MAP3K4: variants seen among roughly 807,000 people sequenced by gnomAD.
The protein encoded by MAP3K4 is mitogen-activated protein kinase kinase kinase 4.
In MAP3K4, 67 loss-of-function variants were observed where a neutral mutation model predicts 185.6. That is an observed-to-expected ratio of 0.36 (90% CI 0.30 to 0.44). The LOEUF (loss-of-function observed/expected upper bound fraction) is 0.44. MAP3K4 is among the 20% of genes least tolerant of loss of function. The pLI, the probability that MAP3K4 is intolerant of heterozygous loss-of-function variation, is 1.00. For missense variants in MAP3K4, 1,551 were observed against 1,995.1 expected (o/e 0.78, Z 4.24); for synonymous variants, 702 against 710.4 (o/e 0.99, Z 0.19).
At chr6:161,099,820 G>A (rs142380955) in intron 17 of MAP3K4, among the ~76,000 whole-genome samples, 169 of 152,328 alleles carry the variant, frequency 1.1e-3, no homozygotes, top group African/African-American at 3.9e-3. Flanking sequence ...GGTACATTAT[G>A]TGTATTTTAG....
Position 161,075,914 on chromosome 6 carries a change from G to A in MAP3K4, c.2097+2302G>A, listed in dbSNP as rs1158647883. On this transcript the variant is annotated intron_variant, in intron 5 of 26. Transcript: ENST00000392142. This position sits in a 1 kb window ranked among gnomAD's most constrained non-coding sequence, Gnocchi z 4.3. Reference sequence around the variant, plus strand: ...CAAAGGTGTGTTCTGAGGACTAGGGGAGCCCAAACAAAATCAGTGTTTCTA... The same window carrying A: ...CAAAGGTGTGTTCTGAGGACTAGGGAAGCCCAAACAAAATCAGTGTTTCTA... Among the ~76,000 whole-genome samples the A allele has an allele frequency of 6.6e-6, 1 of 152,138 alleles. No homozygotes were observed. Among genetic ancestry groups the A allele is most frequent in the African/African-American group, 2.4e-5 (1 of 41,424 alleles).
rs368587250 is a variant in MAP3K4 at position 161,029,251 on chromosome 6, G to A, written c.153-5008G>A. Among the ~76,000 whole-genome samples the A allele has an allele frequency of 7.2e-5, 11 of 151,892 alleles. No individual in the cohort carries two copies. The East Asian group carries it at 1.4e-3, about 19-fold the overall frequency. On this transcript the variant is annotated intron_variant, in intron 1 of 26. Transcript: ENST00000392142. ...TGTTTTGGGTTTTTTTGGCGGGGGTGGTGTTGGGGGGCAGGGGTGGCTTTT... is the reference window on the plus strand; with the variant it reads ...TGTTTTGGGTTTTTTTGGCGGGGGTAGTGTTGGGGGGCAGGGGTGGCTTTT...
At chr6:161,092,186 T>C (rs1292484925) in intron 13 of MAP3K4, 43 bp downstream of exon 13, 30 of 1,609,286 alleles carry the variant, frequency 1.9e-5, no homozygotes, top group Non-Finnish European at 2.5e-5. Flanking sequence ...TCATGTGGGC[T>C]TGGTGGTATT....
Position 161,091,620 on chromosome 6 carries a change from A to AGTT in MAP3K4, c.3135+82_3135+83insTGT. ...ACAGAAAGTTTTTGGAACCTTTTAC[A>AGTT]GTAAATCTGATATTGTAATCATAGC... On this transcript the variant is annotated intron_variant, in intron 12 of 26. Transcript: ENST00000392142. The surrounding 1 kb of genome is among the most constrained non-coding windows in gnomAD (Gnocchi z 5.5). The AGTT allele has an allele frequency of 8.3e-7, 1 of 1,208,104 alleles. No homozygotes were observed. Among genetic ancestry groups the AGTT allele is most frequent in the Non-Finnish European group, 1.2e-6 (1 of 843,140 alleles). 74.8% of individuals were successfully genotyped at this position (1,208,104 alleles called of 1,614,324 possible).
At chr6:161,015,217 C>G (rs994515356) in intron 1 of MAP3K4, among the ~76,000 whole-genome samples, 3 of 151,354 alleles carry the variant, frequency 2.0e-5, no homozygotes, top group Admixed American at 1.3e-4. Context: ...AACACAGGAA[C>G]GGAAAACCAA....
rs747018394 is a variant in MAP3K4, at chr6:161,087,850, G to T, written c.2719G>T (p.Gly907Cys). The change falls in exon 10 of 27, where the codon GGT becomes TGT. Residue 907 changes from glycine to cysteine, a missense_variant. Gly to Cys is a radical substitution (Grantham distance 159, BLOSUM62 -3). Around this residue, in one of 16 missense-constraint regions of MAP3K4, gnomAD observed 261 missense variants for 306.5 expected, o/e 0.85. Coordinates refer to ENST00000392142, the MANE Select transcript of MAP3K4 (RefSeq NM_005922.4). This position sits in a 1 kb window ranked among gnomAD's most constrained non-coding sequence, Gnocchi z 4.9. ...IDAYLLLTKH[G>C]DRARDSEDSW... ...TGCCTATCTGCTTCTGACCAAGCACGGTGATCGAGCCCGTGATTCAGAGGA... is the reference window on the plus strand; with the variant it reads ...TGCCTATCTGCTTCTGACCAAGCACTGTGATCGAGCCCGTGATTCAGAGGA... 6.2e-7 allele frequency: 1 copy of T among 1,614,148 alleles called. No individual in the cohort carries two copies. Among genetic ancestry groups the T allele is most frequent in the Non-Finnish European group, 8.5e-7 (1 of 1,180,020 alleles).
At chr6:160,995,634 G>T (rs1053716500) in intron 1 of MAP3K4, among the ~76,000 whole-genome samples, 2 of 152,176 alleles carry the variant, frequency 1.3e-5, no homozygotes, top group African/African-American at 2.4e-5. Context: ...TTTTGATAAA[G>T]AATTCATGAT....
chr6:161,072,709 G>A (rs371705156), intron 4 of MAP3K4, among the ~76,000 whole-genome samples: 1 of 152,122 alleles, frequency 6.6e-6, no homozygotes, highest in African/African-American at 2.4e-5. Flanking sequence ...TGGCTAACAT[G>A]TATGAAAACG....
chr6:161,113,283 G>A (rs571725617), intron 25 of MAP3K4, among the ~76,000 whole-genome samples: 4 of 152,168 alleles, frequency 2.6e-5, no homozygotes, highest in African/African-American at 9.7e-5. Flanking sequence ...TAAAAAGCCT[G>A]CACACTGAGC....
intron 1 of MAP3K4, among the ~76,000 whole-genome samples, chr6:160,999,063 T>C (rs1412097871): frequency 6.6e-6 from 1 of 152,236 alleles, no homozygotes; most frequent in Non-Finnish European, 1.5e-5. Context: ...TTAGGCAGTC[T>C]ATCAAAAGCA....
chr6:161,079,028 A>G (rs1281988186), intron 5 of MAP3K4, among the ~76,000 whole-genome samples: 1 of 152,060 alleles, frequency 6.6e-6, no homozygotes, highest in Non-Finnish European at 1.5e-5. Context: ...AGCCTGGCCA[A>G]CATGGCAAAA....
intron 1 of MAP3K4, among the ~76,000 whole-genome samples, chr6:160,994,317 A>G (rs1056114628): frequency 6.6e-6 from 1 of 152,182 alleles, no homozygotes. Context: ...CGAGTCTTCA[A>G]AGTCCATTAT....
At position 161,045,357 on chromosome 6, in the gene MAP3K4, T is replaced by C. The variant is rs139891217; in HGVS notation, c.344-3259T>C. Among the ~76,000 whole-genome samples, 1,103 of 152,308 alleles carry C rather than the reference T, an allele frequency of 7.2e-3. 12 individuals are homozygous for C. Among genetic ancestry groups the C allele is most frequent in the African/African-American group, 0.025 (1,028 of 41,554 alleles). On this transcript the variant is annotated intron_variant, in intron 2 of 26. Transcript: ENST00000392142. Reference sequence around the variant, plus strand: ...CACAAAATTTCAAAAAATTGTGTAATAGACTGTTTTGTATGCTGTGAGATA... The same window carrying C: ...CACAAAATTTCAAAAAATTGTGTAACAGACTGTTTTGTATGCTGTGAGATA...
intron 1 of MAP3K4, among the ~76,000 whole-genome samples, chr6:161,010,316 T>C (rs1781787000): frequency 1.3e-5 from 2 of 152,218 alleles, no homozygotes; most frequent in African/African-American, 4.8e-5. Context: ...ATGCTTATCA[T>C]ATTTTTTGGT....
At chr6:161,039,812 T>G (rs1370417354) in intron 2 of MAP3K4, among the ~76,000 whole-genome samples, 1 of 152,220 alleles carries the variant, frequency 6.6e-6, no homozygotes, top group African/African-American at 2.4e-5. Context: ...ATAACTGCTC[T>G]TTTCCACTTA....
intron 1 of MAP3K4, among the ~76,000 whole-genome samples, chr6:161,003,034 A>G (rs1314798438): frequency 1.5e-5 from 1 of 67,172 alleles, no homozygotes; most frequent in Non-Finnish European, 4.8e-5. Flanking sequence ...ATTTGATAAC[A>G]TGATATAACA....
chr6:161,051,892 G>A lies in MAP3K4; in HGVS notation c.1707+1913G>A, dbSNP rs1784018217. Among the ~76,000 whole-genome samples the A allele has an allele frequency of 6.6e-6, 1 of 152,168 alleles. No individual in the cohort carries two copies. The highest frequency in any genetic ancestry group is 2.1e-4 in the South Asian group (1 of 4,826). On this transcript the variant is annotated intron_variant, in intron 3 of 26. Transcript: ENST00000392142. The surrounding 1 kb of genome is among the most constrained non-coding windows in gnomAD (Gnocchi z 4.2). ...TTTAGAGACAAGATCTCACTACGTT[G>A]CCCAGGCTGGACTCAAACTCGTGGG...
rs945550145 is a variant in MAP3K4 at position 161,074,467 on chromosome 6, C to G, written c.2097+855C>G. On this transcript the variant is annotated intron_variant, in intron 5 of 26. Transcript: ENST00000392142. The surrounding 1 kb of genome is among the most constrained non-coding windows in gnomAD (Gnocchi z 5.0). ...AGAAAGCTTTATCTGACAGTTTTAACTTTTAGTCTGTGTTTATACCTTCTT... is the reference window on the plus strand; with the variant it reads ...AGAAAGCTTTATCTGACAGTTTTAAGTTTTAGTCTGTGTTTATACCTTCTT... 2.6e-5 allele frequency among the ~76,000 whole-genome samples: 4 copies of G among 152,258 alleles called. No individual in the cohort carries two copies. In the East Asian group the frequency reaches 7.7e-4, roughly 29 times the overall value.
At chr6:161,032,462 A>G (rs1782974663) in intron 1 of MAP3K4, among the ~76,000 whole-genome samples, 1 of 152,190 alleles carries the variant, frequency 6.6e-6, no homozygotes, top group South Asian at 2.1e-4. Context: ...TTATAAGTCT[A>G]AGTATTTATT....
Sources: gnomAD v4.1 joint callset for allele counts (sites outside exome capture counted in the v4.1 genomes callset) on GRCh38, gnomAD v4.1.1 for gene constraint, gnomAD v4.1.1 regional missense constraint, Gnocchi (gnomAD v3.1) non-coding constraint, MANE v1.5 for transcripts, NCBI Gene and HGNC (gene_info 2026-07-23, HGNC 2026-07-21) for gene names.